Variants in FER observed in about 807,000 individuals in gnomAD.
FER encodes the protein tyrosine-protein kinase Fer.
In FER, 63 loss-of-function variants were observed where a neutral mutation model predicts 111.0. That is an observed-to-expected ratio of 0.57 (90% confidence interval 0.46 to 0.70). The LOEUF (loss-of-function observed/expected upper bound fraction) is 0.70. Ranked by LOEUF, FER falls within the 30% of genes least tolerant of loss-of-function variation. FER has a pLI of 0.00. For missense variants in FER, 914 were observed against 954.0 expected (o/e 0.96, Z 0.55); for synonymous variants, 327 against 313.9 (o/e 1.04, Z -0.44).
intron 5 of FER, among the ~76,000 whole-genome samples, chr5:108,844,612 A>G (rs1469824709): frequency 6.6e-6 from 1 of 152,110 alleles, no homozygotes; most frequent in African/African-American, 2.4e-5. Context: ...TTCACCCCTG[A>G]AAAATTCCTA....
rs547811411 is a variant in FER, at chr5:108,954,980, C to T, written c.1533+48C>T. ...ATGTATATTTTGATGTAGTTCATTG[C>T]GGTACAATTATATTAAAATAACGAA... On this transcript the variant is annotated intron_variant, in intron 12 of 19. Coordinates refer to ENST00000281092, the MANE Select transcript of FER (RefSeq NM_005246.4). 125 of 1,447,070 alleles carry T rather than the reference C, an allele frequency of 8.6e-5. 2 individuals carry two copies. Among genetic ancestry groups the T allele is most frequent in the South Asian group, 3.4e-4 (26 of 75,560 alleles). The allele number at this position is 1,447,070 out of a possible 1,614,324, so 89.6% of individuals were successfully genotyped here.
intron 17 of FER, among the ~76,000 whole-genome samples, chr5:109,126,524 A>G (rs534394607): frequency 6.6e-6 from 1 of 152,244 alleles, no homozygotes; most frequent in Non-Finnish European, 1.5e-5. Context: ...AATTAAAAAA[A>G]TAATTTTTAA....
Position 108,991,117 on chromosome 5 carries a change from A to G in FER, c.1656+31770A>G, listed in dbSNP as rs1205112003. Reference sequence around the variant, plus strand: ...ACTTTTATTTGTAATAAGACAGAAAATAAGAAAATTATTAAGTATAAAGGA... The same window carrying G: ...ACTTTTATTTGTAATAAGACAGAAAGTAAGAAAATTATTAAGTATAAAGGA... On this transcript the variant is annotated intron_variant, in intron 13 of 19. Coordinates refer to ENST00000281092, the MANE Select transcript of FER (RefSeq NM_005246.4). Among the ~76,000 whole-genome samples, 3 of 151,828 alleles carry G rather than the reference A, an allele frequency of 2.0e-5. No individual in the cohort carries two copies. In the East Asian group the frequency reaches 5.8e-4, roughly 29 times the overall value.
In FER at chr5:109,194,370, C is replaced by T. The variant is rs887288208; in HGVS notation, c.*6795C>T. The T allele has an allele frequency of 1.3e-5, 2 of 152,048 alleles. No homozygotes were observed. The highest frequency in any genetic ancestry group is 2.9e-5 in the Non-Finnish European group (2 of 68,004). The allele number at this position is 152,048 out of a possible 1,614,324, so 9.4% of individuals were successfully genotyped here. A position where few individuals can be genotyped will look rare whatever the true frequency, so the allele number is the denominator to read the frequency against. Reference sequence around the variant, plus strand: ...AGTCATTCTACCTAGAAATACAGACCCCAGAGCACATTGCATGAAAATACC... The same window carrying T: ...AGTCATTCTACCTAGAAATACAGACTCCAGAGCACATTGCATGAAAATACC... On this transcript the variant is annotated 3_prime_UTR_variant, in exon 20 of 20. Transcript: ENST00000281092.
intron 3 of FER, among the ~76,000 whole-genome samples, chr5:108,807,549 G>A (rs1022129558): frequency 6.6e-6 from 1 of 152,094 alleles, no homozygotes; most frequent in Non-Finnish European, 1.5e-5. Flanking sequence ...TATCAACCTT[G>A]TTTATCCTTT....
chr5:108,850,433 C>T (rs1321282335), intron 5 of FER, among the ~76,000 whole-genome samples: 35 of 151,942 alleles, frequency 2.3e-4, no homozygotes, highest in Admixed American at 2.3e-3. Flanking sequence ...TTTTGTAGTA[C>T]TTGATTTTTC....
chr5:108,864,645 G>T (rs573415411), intron 5 of FER, among the ~76,000 whole-genome samples: 29 of 152,194 alleles, frequency 1.9e-4, no homozygotes, highest in African/African-American at 6.3e-4. Flanking sequence ...TTTTGTCAGG[G>T]TTGTCAAAGA....
At chr5:108,954,371 T>G (rs1758152520) in intron 11 of FER, among the ~76,000 whole-genome samples, 1 of 152,100 alleles carries the variant, frequency 6.6e-6, no homozygotes, top group African/African-American at 2.4e-5. Flanking sequence ...AAAAATTAAG[T>G]TATTTTGTGA....
chr5:108,961,574 A>T (rs1028647906), intron 13 of FER, among the ~76,000 whole-genome samples: 1 of 152,170 alleles, frequency 6.6e-6, no homozygotes, highest in Non-Finnish European at 1.5e-5. Flanking sequence ...GTGATTTTTT[A>T]TATGAGGTAG....
intron 5 of FER, among the ~76,000 whole-genome samples, chr5:108,845,067 T>TATATATAC (rs1486282738): frequency 2.4e-4 from 13 of 53,876 alleles, no homozygotes; most frequent in African/African-American, 8.3e-4. Flanking sequence ...TATATATATA[T>TATATATAC]ACACACACAC....
At chr5:109,173,002 G>A (rs1196722362) in intron 17 of FER, among the ~76,000 whole-genome samples, 2 of 152,144 alleles carry the variant, frequency 1.3e-5, no homozygotes, top group Non-Finnish European at 2.9e-5. Context: ...ATCACTATAT[G>A]TTTGGTTCCG....
At chr5:108,991,215 A>G (rs563865544) in intron 13 of FER, among the ~76,000 whole-genome samples, 15 of 152,092 alleles carry the variant, frequency 9.9e-5, no homozygotes, top group Non-Finnish European at 2.2e-4. Context: ...ATGTGTATAT[A>G]CGCACATGTA....
intron 3 of FER, among the ~76,000 whole-genome samples, chr5:108,803,019 G>A (rs941747878): frequency 3.3e-5 from 5 of 151,996 alleles, no homozygotes; most frequent in African/African-American, 7.2e-5. Context: ...TTTTTTTGAC[G>A]TTTTAATTAT....
intron 13 of FER, among the ~76,000 whole-genome samples, chr5:109,031,229 A>T (rs968980801): frequency 2.0e-5 from 3 of 152,000 alleles, no homozygotes; most frequent in Non-Finnish European, 2.9e-5. Flanking sequence ...TGGCGGTAGG[A>T]TGGAAGACAT....
intron 17 of FER, among the ~76,000 whole-genome samples, chr5:109,161,335 T>C (rs1047945141): frequency 6.6e-6 from 1 of 152,078 alleles, no homozygotes; most frequent in African/African-American, 2.4e-5. Flanking sequence ...TGGGGGTTTA[T>C]TGTACACAGT....
At chr5:109,150,283 A>G (rs1754683688) in intron 17 of FER, among the ~76,000 whole-genome samples, 1 of 151,862 alleles carries the variant, frequency 6.6e-6, no homozygotes, top group Non-Finnish European at 1.5e-5. Flanking sequence ...CTTCCTTTGA[A>G]CCCACCTTTC....
intron 17 of FER, among the ~76,000 whole-genome samples, chr5:109,113,628 G>A (rs1314480142): frequency 1.3e-5 from 2 of 152,132 alleles, no homozygotes; most frequent in Non-Finnish European, 2.9e-5. Context: ...AGCGCAAGCC[G>A]GGAACCTCTT....
chr5:108,930,903 C>T (rs1033731884), intron 10 of FER, among the ~76,000 whole-genome samples: 1 of 151,954 alleles, frequency 6.6e-6, no homozygotes, highest in South Asian at 2.1e-4. Flanking sequence ...CGTGAGCCAA[C>T]GCCCCTGGCC....
chr5:109,126,961 C>T (rs1460511513), intron 17 of FER, among the ~76,000 whole-genome samples: 1 of 152,142 alleles, frequency 6.6e-6, no homozygotes, highest in Non-Finnish European at 1.5e-5. Flanking sequence ...GGCTGTGTTA[C>T]AAAGGTTATT....
Sources: gnomAD v4.1 joint callset for allele counts (sites outside exome capture counted in the v4.1 genomes callset) on GRCh38, gnomAD v4.1.1 for gene constraint, MANE v1.5 for transcripts, NCBI Gene and HGNC (gene_info 2026-07-23, HGNC 2026-07-21) for gene names.